PTPRQ: variants seen among roughly 807,000 people sequenced by gnomAD.
PTPRQ encodes the protein protein tyrosine phosphatase receptor type Q.
In PTPRQ, 199 loss-of-function variants were observed where a neutral mutation model predicts 246.0. That is an observed-to-expected ratio of 0.81 (90% CI 0.72 to 0.91). The LOEUF (loss-of-function observed/expected upper bound fraction) is 0.91. Among genes scored for constraint, PTPRQ ranks in the 40% least tolerant of loss-of-function variants. The pLI is 0.00. For synonymous variants in PTPRQ, 869 were observed against 853.2 expected, an observed-to-expected ratio of 1.02 and a Z score of -0.32; for missense variants, 2,624 against 2,528.4, an observed-to-expected ratio of 1.04 and a Z score of -0.81.
At chr12:80,584,635 A>T (rs1897551350) in intron 25 of PTPRQ, among the ~76,000 whole-genome samples, 1 of 152,130 alleles carries the variant, frequency 6.6e-6, no homozygotes, top group African/African-American at 2.4e-5. Flanking sequence ...GCTGCAATTA[A>T]ACTTGTCTTA....
intron 6 of PTPRQ, among the ~76,000 whole-genome samples, chr12:80,466,960 G>A (rs1462505332): frequency 1.3e-5 from 2 of 152,132 alleles, no homozygotes; most frequent in Non-Finnish European, 2.9e-5. Flanking sequence ...AGGACTTCAT[G>A]TCTAAAACAC....
chr12:80,495,015 G>A lies in PTPRQ; in HGVS notation c.1623G>A (p.Glu541=). ...YVIRRLVPFT[E]HMISVSAFTI... ...TCAGGAGACTTGTACCTTTCACTGA[G>A]CACATGATTAGTGTATCTGCTTTCA... Residue 541 remains glutamate, a synonymous_variant, in exon 11 of 45, where the codon GAG becomes GAA. Coordinates refer to ENST00000644991, the MANE Select transcript of PTPRQ (RefSeq NM_001145026.2). 1 of 1,550,502 alleles carries A rather than the reference G, an allele frequency of 6.4e-7. No homozygotes were observed. Among genetic ancestry groups the A allele is most frequent in the African/African-American group, 1.4e-5 (1 of 73,044 alleles).
chr12:80,576,590 G>A lies in PTPRQ; in HGVS notation c.4286-11539G>A, dbSNP rs959118127. On this transcript the variant is annotated intron_variant, in intron 25 of 44. Coordinates refer to ENST00000644991, the MANE Select transcript of PTPRQ (RefSeq NM_001145026.2). ...GTTCACTGATTCACATTTTTGCTAA[G>A]CAAGTACTTATTAAATATCAATGTG... Among the ~76,000 whole-genome samples, 4 of 151,880 alleles carry A rather than the reference G, an allele frequency of 2.6e-5. No individual in the cohort carries two copies. The South Asian group carries it at 8.3e-4, about 32-fold the overall frequency.
chr12:80,638,286 T>A (rs987849265), intron 35 of PTPRQ, among the ~76,000 whole-genome samples: 2 of 140,228 alleles, frequency 1.4e-5, no homozygotes, highest in Non-Finnish European at 3.0e-5. Flanking sequence ...AAAAAAAAAA[T>A]CTACCCAGCT....
At chr12:80,535,763 A>G (rs1592626373) in intron 19 of PTPRQ, among the ~76,000 whole-genome samples, 1 of 152,296 alleles carries the variant, frequency 6.6e-6, no homozygotes, top group African/African-American at 2.4e-5. Flanking sequence ...TATAAAAAGG[A>G]TAATTGGAAT....
intron 19 of PTPRQ, among the ~76,000 whole-genome samples, chr12:80,537,593 G>A (rs747725431): frequency 2.0e-5 from 3 of 152,108 alleles, no homozygotes; most frequent in Non-Finnish European, 4.4e-5. Context: ...ATCACTTTTA[G>A]TACATAGTCA....
At chr12:80,655,723 C>A (rs2121242507) in intron 38 of PTPRQ, among the ~76,000 whole-genome samples, 1 of 152,128 alleles carries the variant, frequency 6.6e-6, no homozygotes, top group East Asian at 1.9e-4. Context: ...ACCCATAAAG[C>A]TGAAGAAAAT....
intron 33 of PTPRQ, among the ~76,000 whole-genome samples, chr12:80,629,937 T>G (rs945652134): frequency 1.3e-5 from 2 of 152,162 alleles, no homozygotes; most frequent in South Asian, 2.1e-4. Context: ...TTGGCCACAT[T>G]TGTTTTATTT....
intron 26 of PTPRQ, among the ~76,000 whole-genome samples, chr12:80,600,094 A>G (rs193277087): frequency 3.9e-5 from 6 of 152,004 alleles, no homozygotes; most frequent in Non-Finnish European, 7.4e-5. Flanking sequence ...AAGAAGGGAA[A>G]ACGATTTTTG....
In PTPRQ at chr12:80,468,626, C is replaced by G. The variant is rs562043267; in HGVS notation, c.911-84C>G. On this transcript the variant is annotated intron_variant, in intron 6 of 44. Transcript: ENST00000644991. ...GCGATATTTTATTTTCCTTCTTTGC[C>G]TTTGTGTTTTATTATGTGTATTTAA... 4 of 1,256,510 alleles carry G rather than the reference C, an allele frequency of 3.2e-6. No homozygotes were observed. The South Asian group carries it at 1.0e-4, about 31-fold the overall frequency. The allele number at this position is 1,256,510 out of a possible 1,614,324, so 77.8% of individuals were successfully genotyped here.
chr12:80,521,088 G>A (rs1436381905), intron 17 of PTPRQ, among the ~76,000 whole-genome samples: 1 of 152,066 alleles, frequency 6.6e-6, no homozygotes, highest in Admixed American at 6.5e-5. Context: ...TTGTGGTTTT[G>A]ATTTGCATTT....
In PTPRQ at chr12:80,496,453, A is replaced by G; in HGVS notation, c.2194A>G (p.Ile732Val). The G allele has an allele frequency of 6.4e-7, 1 of 1,550,638 alleles. No individual in the cohort carries two copies. The highest frequency in any genetic ancestry group is 8.7e-7 in the Non-Finnish European group (1 of 1,146,406). Residue 732 changes from isoleucine to valine, a missense_variant, in exon 14 of 45, where the codon ATT becomes GTT. Ile to Val is a conservative substitution (Grantham distance 29). Coordinates refer to ENST00000644991, the MANE Select transcript of PTPRQ (RefSeq NM_001145026.2). ...CTTAAGACCTCACACCCTCTATAAC[A>G]TTTCTGTAAGGTCTTACACCAGATT... ...RNLRPHTLYNISVRSYTRFGH... is the reference protein window; with the variant it reads ...RNLRPHTLYNVSVRSYTRFGH...
chr12:80,509,994 C>T (rs1895077414), intron 16 of PTPRQ, among the ~76,000 whole-genome samples: 1 of 152,028 alleles, frequency 6.6e-6, no homozygotes. Flanking sequence ...TATTCACCCT[C>T]AATAAAATTT....
Position 80,478,950 on chromosome 12 carries a change from C to G in PTPRQ, c.1187-5483C>G, listed in dbSNP as rs1368014293. Among the ~76,000 whole-genome samples, 7 of 152,218 alleles carry G rather than the reference C, an allele frequency of 4.6e-5. No individual in the cohort carries two copies. The East Asian group carries it at 7.7e-4, about 17-fold the overall frequency. On this transcript the variant is annotated intron_variant, in intron 8 of 44. Coordinates refer to ENST00000644991, the MANE Select transcript of PTPRQ (RefSeq NM_001145026.2). Reference sequence around the variant, plus strand: ...GAATGCAACCAAGTTGGAAAACACTCTGCAGGATATTATCCAGGAGAACTT... The same window carrying G: ...GAATGCAACCAAGTTGGAAAACACTGTGCAGGATATTATCCAGGAGAACTT...
At chr12:80,556,541 G>T (rs540711401) in intron 25 of PTPRQ, among the ~76,000 whole-genome samples, 78 of 152,290 alleles carry the variant, frequency 5.1e-4, no homozygotes, top group African/African-American at 1.9e-3. Context: ...TGTTTACTTA[G>T]ATCATCTGAT....
intron 8 of PTPRQ, among the ~76,000 whole-genome samples, chr12:80,478,266 G>A (rs757984314): frequency 6.6e-6 from 1 of 151,694 alleles, no homozygotes; most frequent in Non-Finnish European, 1.5e-5. Flanking sequence ...CCCAGCAGGG[G>A]CACACTGACA....
In PTPRQ at chr12:80,496,457, C is replaced by A; in HGVS notation, c.2198C>A (p.Ser733Tyr). 6.4e-7 allele frequency: 1 copy of A among 1,550,738 alleles called. No homozygotes were observed. Among genetic ancestry groups the A allele is most frequent in the Non-Finnish European group, 8.7e-7 (1 of 1,146,426 alleles). ...AGACCTCACACCCTCTATAACATTT[C>A]TGTAAGGTCTTACACCAGATTTGGT... ...NLRPHTLYNISVRSYTRFGHG... is the reference protein window; with the variant it reads ...NLRPHTLYNIYVRSYTRFGHG... Residue 733 changes from serine to tyrosine, a missense_variant, in exon 14 of 45, where the codon TCT (serine) becomes TAT (tyrosine). Physicochemically the swap from Ser to Tyr is moderately radical, Grantham distance 144. Coordinates refer to ENST00000644991, the MANE Select transcript of PTPRQ (RefSeq NM_001145026.2).
chr12:80,547,316 A>G (rs1445565458), intron 24 of PTPRQ, among the ~76,000 whole-genome samples: 3 of 152,114 alleles, frequency 2.0e-5, no homozygotes, highest in Non-Finnish European at 4.4e-5. Flanking sequence ...TTAGAAATGT[A>G]CTTTTCCTTT....
At chr12:80,664,587 G>T (rs1211495742) in intron 39 of PTPRQ, among the ~76,000 whole-genome samples, 1 of 151,952 alleles carries the variant, frequency 6.6e-6, no homozygotes, top group Non-Finnish European at 1.5e-5. Context: ...TGATATTATA[G>T]GTTTCTCTCT....
Sources: gnomAD v4.1 joint callset for allele counts (sites outside exome capture counted in the v4.1 genomes callset) on GRCh38, gnomAD v4.1.1 for gene constraint, MANE v1.5 for transcripts, NCBI Gene and HGNC (gene_info 2026-07-23, HGNC 2026-07-21) for gene names.